The following PLXNB2 variants were observed in gnomAD, a reference collection of about 807,000 sequenced individuals.
PLXNB2 encodes plexin-B2.
In PLXNB2, 85 loss-of-function variants were observed where a neutral mutation model predicts 202.6. That is an observed-to-expected ratio of 0.42 (90% CI 0.35 to 0.50). The LOEUF is 0.50. Among genes scored for constraint, PLXNB2 ranks in the 20% least tolerant of loss-of-function variants. The pLI is 0.02. For synonymous variants in PLXNB2, 1,239 were observed against 1,137.6 expected, an observed-to-expected ratio of 1.09 and a Z score of -1.79; for missense variants, 2,063 against 2,586.2, an observed-to-expected ratio of 0.80 and a Z score of 4.39.
Position 50,284,144 on chromosome 22 carries a change from T to A in PLXNB2, c.2251A>T (p.Ser751Cys). 6.3e-7 allele frequency: 1 copy of A among 1,599,758 alleles called. No individual in the cohort carries two copies. ...YVKSYGKNID[S>C]KLHVTLYNCS... Reference sequence around the variant, plus strand: ...CCGTGGCCCCCACCATGGAGCTTGCTGTCGATATTCTTGCCGTAAGACTTG... The same window carrying A: ...CCGTGGCCCCCACCATGGAGCTTGCAGTCGATATTCTTGCCGTAAGACTTG... The change falls in exon 13 of 37, where the codon AGC becomes TGC. Residue 751 changes from serine (S) to cysteine (C), a missense_variant. Physicochemically the swap from Ser to Cys is moderately radical, Grantham distance 112. Transcript: ENST00000359337. The surrounding 1 kb of genome is among the most constrained non-coding windows in gnomAD (Gnocchi z 8.0).
At position 50,284,387 on chromosome 22, in the gene PLXNB2, CTG is replaced by C; in HGVS notation, c.2182-176_2182-175del. On this transcript the variant is annotated intron_variant, in intron 12 of 36. Coordinates refer to ENST00000359337, the MANE Select transcript of PLXNB2 (RefSeq NM_012401.4). The surrounding 1 kb of genome is among the most constrained non-coding windows in gnomAD (Gnocchi z 8.0). ...CCCATGGACGCTGCTCTGTGCCACT[CTG>C]TCCCCAGGGAGGCAGAGGGCAGAGG... The C allele has an allele frequency of 2.7e-6, 2 of 736,060 alleles. No homozygotes were observed. The highest frequency in any genetic ancestry group is 4.6e-6 in the Non-Finnish European group (2 of 434,772). 45.6% of individuals were successfully genotyped at this position (736,060 alleles called of 1,614,324 possible).
At chr22:50,276,590 C>T (rs771230389) in intron 35 of PLXNB2, 39 bp downstream of exon 35, 17 of 1,503,562 alleles carry the variant, frequency 1.1e-5, no homozygotes, top group South Asian at 4.5e-5. Flanking sequence ...GTAGTGGGAG[C>T]GGGGAGGGCT....
At chr22:50,287,862 T>C in intron 6 of PLXNB2, 69 bp from the exon 7 acceptor site, 4 of 1,593,628 alleles carry the variant, frequency 2.5e-6, no homozygotes, top group Non-Finnish European at 3.4e-6. Flanking sequence ...CAGTGCGATG[T>C]GCCCCCCGAC....
intron 35 of PLXNB2, 57 bp from the exon 36 acceptor site, chr22:50,276,020 G>T: frequency 6.6e-7 from 1 of 1,517,602 alleles, no homozygotes; most frequent in Non-Finnish European, 9.1e-7. Flanking sequence ...CCCAGGGCTG[G>T]CAGGAGTAGT....
intron 1 of PLXNB2, among the ~76,000 whole-genome samples, chr22:50,302,071 G>A (rs1018566037): frequency 2.6e-5 from 4 of 152,356 alleles, no homozygotes; most frequent in Non-Finnish European, 5.9e-5. Context: ...AGAACCCAGC[G>A]CTGCCTGGAG....
intron 1 of PLXNB2, among the ~76,000 whole-genome samples, chr22:50,299,300 TG>T (rs1168668072): frequency 7.4e-4 from 48 of 64,502 alleles, no homozygotes; most frequent in South Asian, 4.1e-3. Flanking sequence ...CTGCGTGGGG[TG>T]GGGGGGGGGC....
intron 1 of PLXNB2, among the ~76,000 whole-genome samples, chr22:50,305,760 G>A (rs556099929): frequency 7.2e-5 from 11 of 152,270 alleles, no homozygotes; most frequent in Non-Finnish European, 1.0e-4. Flanking sequence ...GTACCTCAGA[G>A]GCTCTTCAGA....
intron 11 of PLXNB2, among the ~76,000 whole-genome samples, chr22:50,285,486 G>A (rs112785373): frequency 0.04 from 561 of 14,058 alleles, 104 homozygotes; most frequent in South Asian, 0.12. Context: ...GAGCCTGCCT[G>A]TCACCGGCCG....
chr22:50,280,455 CCGTGGCCCCGCT>C (rs748456335), intron 25 of PLXNB2, 22 bp downstream of exon 25: 94 of 1,569,306 alleles, frequency 6.0e-5, no homozygotes, highest in South Asian at 2.5e-4. Flanking sequence ...GCCGCCCCGC[CCGTGGCCCCGCT>C]CGTGGCCCCG....
At chr22:50,290,649 C>A in intron 2 of PLXNB2, 52 bp from the exon 3 acceptor site, 1 of 1,475,054 alleles carries the variant, frequency 6.8e-7, no homozygotes, top group Non-Finnish European at 9.0e-7. Flanking sequence ...GACCCCCGAT[C>A]AAATCCCTCT....
At chr22:50,277,515 A>G in intron 33 of PLXNB2, 76 bp downstream of exon 33, 1 of 1,376,842 alleles carries the variant, frequency 7.3e-7, no homozygotes, top group Non-Finnish European at 9.9e-7. Flanking sequence ...ACCCCAGACA[A>G]GGTCCCAACT....
rs2066428372 is a variant in PLXNB2 at position 50,285,997 on chromosome 22, G to A, written c.1979C>T (p.Ala660Val). 6.2e-7 allele frequency: 1 copy of A among 1,612,022 alleles called. No individual in the cohort carries two copies. The highest frequency in any genetic ancestry group is 8.5e-7 in the Non-Finnish European group (1 of 1,179,652). The change falls in exon 10 of 37, where the codon GCC (alanine) becomes GTC (valine). Residue 660 changes from alanine (A) to valine (V), a missense_variant. By Grantham distance (64) the Ala-to-Val change is moderately conservative (BLOSUM62 0). This residue lies in a region of PLXNB2 where 1,303 missense variants were observed against 1,476.8 expected (regional missense o/e 0.88). Transcript: ENST00000359337. Reference protein sequence around the residue: ...SPNPEDGIVRAHMEDSCPQFL... With the variant: ...SPNPEDGIVRVHMEDSCPQFL... ...GGCCCCGAGGCCCCTCACCATGTGGGCACGGACGATGCCGTCCTCAGGGTT... is the reference window on the plus strand; with the variant it reads ...GGCCCCGAGGCCCCTCACCATGTGGACACGGACGATGCCGTCCTCAGGGTT...
Position 50,284,673 on chromosome 22 carries a change from C to T in PLXNB2, c.2089-8G>A. The stretch of plus-strand genomic sequence containing the variant: ...CACGTGCAGGGAGGAACCCTGCAGA[C>T]CATGCCGTCAGGACCCTGGACAGGC... On this transcript the variant is annotated splice_polypyrimidine_tract_variant and splice_region_variant and intron_variant, in intron 11 of 36. Coordinates refer to ENST00000359337, the MANE Select transcript of PLXNB2 (RefSeq NM_012401.4). This position sits in a 1 kb window ranked among gnomAD's most constrained non-coding sequence, Gnocchi z 8.0. 1 of 1,608,934 alleles carries T rather than the reference C, an allele frequency of 6.2e-7. No individual in the cohort carries two copies. The highest frequency in any genetic ancestry group is 8.5e-7 in the Non-Finnish European group (1 of 1,176,394).
Position 50,289,842 on chromosome 22 carries a change from C to T in PLXNB2, c.743G>A (p.Arg248His), listed in dbSNP as rs910158916. The change falls in exon 3 of 37, where the codon CGC becomes CAC. Residue 248 changes from arginine (R) to histidine (H), a missense_variant. Arg to His is a conservative substitution (Grantham distance 29). This residue lies in a region of PLXNB2 where 1,303 missense variants were observed against 1,476.8 expected (regional missense o/e 0.88). Coordinates refer to ENST00000359337, the MANE Select transcript of PLXNB2 (RefSeq NM_012401.4). This position sits in a 1 kb window ranked among gnomAD's most constrained non-coding sequence, Gnocchi z 8.0. The stretch of plus-strand genomic sequence containing the variant: ...GTAGTTGGGGTCTTCTCTGCACATG[C>T]GTGCCAGCAGCGTGCGGTTCCGGGC... Reference protein sequence around the residue: ...HPARNRTLLARMCREDPNYYS... With the variant: ...HPARNRTLLAHMCREDPNYYS... The T allele has an allele frequency of 5.0e-6, 8 of 1,613,294 alleles. No individual in the cohort carries two copies. Among genetic ancestry groups the T allele is most frequent in the Non-Finnish European group, 5.9e-6 (7 of 1,180,034 alleles).
intron 25 of PLXNB2, 108 bp from the exon 26 acceptor site, chr22:50,280,179 G>T (rs1236276254): frequency 1.1e-6 from 1 of 884,256 alleles, no homozygotes; most frequent in Non-Finnish European, 1.7e-6. Context: ...CCCCTGTCCA[G>T]CCTGGGTGTG....
At chr22:50,287,291 C>A in intron 7 of PLXNB2, 27 bp from the exon 8 acceptor site, 2 of 1,460,594 alleles carry the variant, frequency 1.4e-6, no homozygotes, top group East Asian at 2.5e-5. Flanking sequence ...GCCGCTCACA[C>A]TGGGAACCCC....
Position 50,283,587 on chromosome 22 carries a change from G to C in PLXNB2, c.2570+15C>G. ...GACCCAGCTGACAGGGCCCAGACCA[G>C]GGCCGTCCACTCACCGGGTGGACAC... On this transcript the variant is annotated intron_variant, in intron 15 of 36. Coordinates refer to ENST00000359337, the MANE Select transcript of PLXNB2 (RefSeq NM_012401.4). 6.4e-7 allele frequency: 1 copy of C among 1,556,044 alleles called. No individual in the cohort carries two copies. Among genetic ancestry groups the C allele is most frequent in the Non-Finnish European group, 8.7e-7 (1 of 1,145,534 alleles).
At chr22:50,283,015 GCCAA>G in intron 17 of PLXNB2, 31 bp downstream of exon 17, 2 of 1,591,434 alleles carry the variant, frequency 1.3e-6, no homozygotes, top group Non-Finnish European at 1.7e-6. Context: ...CAGGGCCAGG[GCCAA>G]CCAGACTCAG....
intron 11 of PLXNB2, among the ~76,000 whole-genome samples, chr22:50,285,471 T>C (rs36212221): frequency 7.9e-5 from 2 of 25,438 alleles, no homozygotes; most frequent in Admixed American, 4.2e-4. Context: ...CCTCCCTCCG[T>C]ACCTGAGCCT....
Sources: gnomAD v4.1 joint callset for allele counts (sites outside exome capture counted in the v4.1 genomes callset) on GRCh38, gnomAD v4.1.1 for gene constraint, gnomAD v4.1.1 regional missense constraint, Gnocchi (gnomAD v3.1) non-coding constraint, MANE v1.5 for transcripts, NCBI Gene and HGNC (gene_info 2026-07-23, HGNC 2026-07-21) for gene names.